The following ZFPM2 variants were observed in gnomAD, a reference collection of about 807,000 sequenced individuals.
The protein encoded by ZFPM2 is zinc finger protein ZFPM2.
ZFPM2 carries 20 observed loss-of-function variants against 98.6 expected under a neutral mutation model. The ratio of observed to expected loss-of-function variants is 0.20; its 90% CI spans 0.14 to 0.29. ZFPM2 has a LOEUF of 0.29. Ranked by LOEUF, ZFPM2 falls within the 10% of genes least tolerant of loss-of-function variation. The probability of loss-of-function intolerance (pLI) is 1.00; values close to 1 mark genes in which losing one functional copy is unlikely to be tolerated. For synonymous variants in ZFPM2, 518 were observed against 502.7 expected (o/e 1.03, Z -0.41); for missense variants, 1,310 against 1,388.6 (o/e 0.94, Z 0.90).
intron 5 of ZFPM2, among the ~76,000 whole-genome samples, chr8:105,716,051 G>A (rs2130986769): frequency 6.6e-6 from 1 of 151,720 alleles, no homozygotes; most frequent in South Asian, 2.1e-4. Context: ...AAGAGATGCT[G>A]GCAGGAAAAA....
chr8:105,703,100 G>T (rs188165047), intron 5 of ZFPM2, among the ~76,000 whole-genome samples: 1 of 152,070 alleles, frequency 6.6e-6, no homozygotes, highest in Non-Finnish European at 1.5e-5. Context: ...TGTAGAGAAG[G>T]TTCTAGACCA....
chr8:105,783,210 GTTTTT>G (rs753557703), intron 5 of ZFPM2, among the ~76,000 whole-genome samples: 16 of 88,946 alleles, frequency 1.8e-4, no homozygotes, highest in South Asian at 4.4e-4. Flanking sequence ...TTTCTTTATG[GTTTTT>G]TTTTTTTTTT....
chr8:105,467,145 G>T (rs539330377), intron 3 of ZFPM2, among the ~76,000 whole-genome samples: 83 of 152,090 alleles, frequency 5.5e-4, no homozygotes, highest in African/African-American at 1.5e-3. Flanking sequence ...TCTTAACATT[G>T]AAGACAGATG....
intron 4 of ZFPM2, among the ~76,000 whole-genome samples, chr8:105,573,593 T>C (rs1444996323): frequency 1.3e-5 from 2 of 152,212 alleles, no homozygotes; most frequent in Non-Finnish European, 2.9e-5. Flanking sequence ...CATTAAAATA[T>C]TTATGGTTTC....
chr8:105,650,899 C>T (rs1000513195), intron 5 of ZFPM2, among the ~76,000 whole-genome samples: 1 of 152,192 alleles, frequency 6.6e-6, no homozygotes, highest in Non-Finnish European at 1.5e-5. Flanking sequence ...TGGTGCAGAG[C>T]TGAGTTCAAT....
chr8:105,695,807 A>G (rs1354807473), intron 5 of ZFPM2, among the ~76,000 whole-genome samples: 1 of 151,328 alleles, frequency 6.6e-6, no homozygotes, highest in African/African-American at 2.5e-5. Flanking sequence ...TCTACATTGG[A>G]CTTAGTTAAT....
chr8:105,639,165 C>T (rs1265446791), intron 5 of ZFPM2, among the ~76,000 whole-genome samples: 2 of 152,048 alleles, frequency 1.3e-5, no homozygotes, highest in Non-Finnish European at 2.9e-5. Flanking sequence ...GTCTGTTGAG[C>T]ACTGATGATC....
At chr8:105,654,739 T>A (rs1817250384) in intron 5 of ZFPM2, among the ~76,000 whole-genome samples, 1 of 152,136 alleles carries the variant, frequency 6.6e-6, no homozygotes, top group Non-Finnish European at 1.5e-5. Context: ...AAGGTCTGTG[T>A]GGAAGGAGAG....
intron 5 of ZFPM2, among the ~76,000 whole-genome samples, chr8:105,717,303 A>G (rs1416028937): frequency 6.6e-6 from 1 of 151,918 alleles, no homozygotes; most frequent in Non-Finnish European, 1.5e-5. Context: ...GGGAAAATCA[A>G]ATTCTTAACT....
chr8:105,350,328 G>A (rs1183094751), intron 1 of ZFPM2, among the ~76,000 whole-genome samples: 1 of 152,170 alleles, frequency 6.6e-6, no homozygotes, highest in African/African-American at 2.4e-5. Flanking sequence ...GTTTTGAAAA[G>A]GAAAGGAACA....
At chr8:105,719,962 G>A (rs1303982413) in intron 5 of ZFPM2, among the ~76,000 whole-genome samples, 1 of 151,902 alleles carries the variant, frequency 6.6e-6, no homozygotes, top group Non-Finnish European at 1.5e-5. Flanking sequence ...CTTGCATTTA[G>A]AAATAATGGT....
At chr8:105,321,705 G>A (rs576878902) in intron 1 of ZFPM2, among the ~76,000 whole-genome samples, 6 of 152,198 alleles carry the variant, frequency 3.9e-5, no homozygotes, top group African/African-American at 1.4e-4. Context: ...TCTCCGGGCA[G>A]CGATAAAAAG....
intron 1 of ZFPM2, among the ~76,000 whole-genome samples, chr8:105,366,625 C>T (rs980969558): frequency 6.0e-5 from 9 of 150,964 alleles, no homozygotes; most frequent in Admixed American, 2.0e-4. Context: ...CCCACTAACT[C>T]GTCATCTAGC....
chr8:105,509,535 T>G (rs566592105), intron 3 of ZFPM2, among the ~76,000 whole-genome samples: 31 of 152,166 alleles, frequency 2.0e-4, no homozygotes, highest in Non-Finnish European at 3.2e-4. Context: ...GAGAATAAAG[T>G]CTTTGGTACA....
intron 1 of ZFPM2, among the ~76,000 whole-genome samples, chr8:105,330,769 G>A (rs1246656471): frequency 6.7e-6 from 1 of 149,648 alleles, no homozygotes; most frequent in African/African-American, 2.4e-5. Context: ...ATTGCTGATG[G>A]GAGTCTGGTA....
At chr8:105,383,450 G>A (rs1049481931) in intron 1 of ZFPM2, among the ~76,000 whole-genome samples, 21 of 152,062 alleles carry the variant, frequency 1.4e-4, no homozygotes, top group African/African-American at 5.1e-4. Context: ...ATCTTATGTG[G>A]TGTATTATTT....
intron 3 of ZFPM2, among the ~76,000 whole-genome samples, chr8:105,559,858 C>T (rs1049647967): frequency 2.6e-5 from 4 of 151,798 alleles, no homozygotes; most frequent in Non-Finnish European, 2.9e-5. Context: ...GAAGCTAAAG[C>T]GAGATTAAGG....
At chr8:105,393,390 C>CTTTCTTTCTTTCTTTCTTTCCT (rs1554600712) in intron 1 of ZFPM2, among the ~76,000 whole-genome samples, 1 of 134,516 alleles carries the variant, frequency 7.4e-6, no homozygotes, top group African/African-American at 2.7e-5. Context: ...TTCTTTCTTT[C>CTTTCTTTCTTTCTTTCTTTCCT]TTCTTCAGAA....
intron 3 of ZFPM2, among the ~76,000 whole-genome samples, chr8:105,524,649 CCA>C (rs1372945489): frequency 6.6e-6 from 1 of 152,172 alleles, no homozygotes; most frequent in Non-Finnish European, 1.5e-5. Context: ...GATTTTCTCT[CCA>C]CATCAGTTTT....
Sources: gnomAD v4.1 joint callset for allele counts (sites outside exome capture counted in the v4.1 genomes callset) on GRCh38, gnomAD v4.1.1 for gene constraint, MANE v1.5 for transcripts, NCBI Gene and HGNC (gene_info 2026-07-23, HGNC 2026-07-21) for gene names.